The following PCDHGA3 variants were observed in gnomAD, a reference collection of about 807,000 sequenced individuals.
PCDHGA3 encodes the protein protocadherin gamma-A3.
Under a neutral mutation model 58.5 loss-of-function variants are expected in PCDHGA3, and 40 were observed. That is an observed-to-expected ratio of 0.68 (90% CI 0.53 to 0.89). PCDHGA3 has a LOEUF of 0.89. PCDHGA3 is among the 40% of genes least tolerant of loss of function. The probability of loss-of-function intolerance (pLI) is 0.00; values close to 1 mark genes in which losing one functional copy is unlikely to be tolerated. For missense variants in PCDHGA3, 1,223 were observed against 1,195.9 expected (o/e 1.02, Z -0.33); for synonymous variants, 530 against 525.7 (o/e 1.01, Z -0.11).
intron 1 of PCDHGA3, among the ~76,000 whole-genome samples, chr5:141,444,872 G>T (rs2098449555): frequency 6.6e-6 from 1 of 152,120 alleles, no homozygotes. Context: ...ACAGGACAAA[G>T]CTTGTAGGAT....
intron 1 of PCDHGA3, chr5:141,399,313 A>C: frequency 6.2e-7 from 1 of 1,613,952 alleles, no homozygotes; most frequent in Non-Finnish European, 8.5e-7. Flanking sequence ...TTCATCCAAA[A>C]ATTCGTATAA....
chr5:141,419,523 G>T (rs553587727), intron 1 of PCDHGA3: 21 of 1,612,086 alleles, frequency 1.3e-5, no homozygotes, highest in East Asian at 2.2e-5. Flanking sequence ...GTGGGCGACC[G>T]TAACGACAAC....
chr5:141,375,059 G>C, intron 1 of PCDHGA3: 1 of 1,614,038 alleles, frequency 6.2e-7, no homozygotes, highest in Non-Finnish European at 8.5e-7. Flanking sequence ...GGATGGGCCA[G>C]GTCTTCGAGA....
At chr5:141,463,301 A>G (rs1277348576) in intron 1 of PCDHGA3, among the ~76,000 whole-genome samples, 2 of 151,638 alleles carry the variant, frequency 1.3e-5, no homozygotes, top group South Asian at 2.1e-4. Flanking sequence ...AATCTCCCCA[A>G]ACTCTAATAT....
At chr5:141,356,452 T>C in intron 1 of PCDHGA3, 1 of 1,613,258 alleles carries the variant, frequency 6.2e-7, no homozygotes, top group Non-Finnish European at 8.5e-7. Flanking sequence ...AGTCTCAGAA[T>C]ATAACATCAC....
intron 1 of PCDHGA3, chr5:141,370,358 T>A (rs772671669): frequency 4.8e-5 from 73 of 1,513,438 alleles, no homozygotes; most frequent in Non-Finnish European, 6.2e-5. Context: ...AGATCTCCTC[T>A]CCTCGGATTT....
intron 1 of PCDHGA3, chr5:141,384,987 G>C (rs775895766): frequency 6.2e-7 from 1 of 1,614,114 alleles, no homozygotes; most frequent in African/African-American, 1.3e-5. Context: ...TGGTGGTGGC[G>C]GTGGCCACAG....
In PCDHGA3 at chr5:141,456,564, A is replaced by G. The variant is rs1174191537; in HGVS notation, c.2425-38243A>G. ...TTGTAGCCACTCGGGGCTGAAGCCC[A>G]CATTTTCCCTGAGCCTGTCAATAAT... On this transcript the variant is annotated intron_variant, in intron 1 of 3. Coordinates refer to ENST00000253812, the MANE Select transcript of PCDHGA3 (RefSeq NM_018916.4). Among the ~76,000 whole-genome samples the G allele has an allele frequency of 2.6e-5, 4 of 152,338 alleles. No individual in the cohort carries two copies. The South Asian group carries it at 6.2e-4, about 24-fold the overall frequency.
At chr5:141,372,237 G>A in intron 1 of PCDHGA3, 2 of 1,613,294 alleles carry the variant, frequency 1.2e-6, no homozygotes, top group Non-Finnish European at 1.7e-6. Flanking sequence ...CAGCGAGCCC[G>A]GGCTGTTCAG....
At chr5:141,410,177 A>G in intron 1 of PCDHGA3, 1 of 1,613,626 alleles carries the variant, frequency 6.2e-7, no homozygotes, top group Non-Finnish European at 8.5e-7. Context: ...TGCCACCGCC[A>G]CGCTTCATCT....
intron 1 of PCDHGA3, chr5:141,360,653 A>G: frequency 1.9e-6 from 3 of 1,614,020 alleles, no homozygotes; most frequent in East Asian, 2.2e-5. Context: ...TACCACCTTA[A>G]TGACAACGAG....
At position 141,366,991 on chromosome 5, in the gene PCDHGA3, A is replaced by G. The variant is rs1764892123; in HGVS notation, c.2424+20534A>G. The G allele has an allele frequency of 1.3e-5, 6 of 477,098 alleles. No individual in the cohort carries two copies. The South Asian group carries it at 2.2e-4, about 18-fold the overall frequency. 29.6% of individuals were successfully genotyped at this position (477,098 alleles called of 1,614,324 possible). A position where few individuals can be genotyped will look rare whatever the true frequency, so the allele number is the denominator to read the frequency against. Reference sequence around the variant, plus strand: ...AAATACCTTAAAGGAAAGTGGTTAAATATAATCATTTTACCCAAATATTTT... The same window carrying G: ...AAATACCTTAAAGGAAAGTGGTTAAGTATAATCATTTTACCCAAATATTTT... On this transcript the variant is annotated intron_variant, in intron 1 of 3. Coordinates refer to ENST00000253812, the MANE Select transcript of PCDHGA3 (RefSeq NM_018916.4).
chr5:141,486,645 C>T lies in PCDHGA3; in HGVS notation c.2425-8162C>T, dbSNP rs369948556. ...GACTCTGGCTTGAATGCGCTTATCT[C>T]CTACTCACTCCTGGAGCCCAGGAAT... On this transcript the variant is annotated intron_variant, in intron 1 of 3. Coordinates refer to ENST00000253812, the MANE Select transcript of PCDHGA3 (RefSeq NM_018916.4). This position sits in a 1 kb window ranked among gnomAD's most constrained non-coding sequence, Gnocchi z 5.0. 1.9e-6 allele frequency: 3 copies of T among 1,613,752 alleles called. No individual in the cohort carries two copies. The highest frequency in any genetic ancestry group is 2.2e-5 in the East Asian group (1 of 44,896).
chr5:141,380,982 T>A (rs1776910305), intron 1 of PCDHGA3, among the ~76,000 whole-genome samples: 3 of 152,248 alleles, frequency 2.0e-5, no homozygotes, highest in Non-Finnish European at 2.9e-5. Flanking sequence ...AAATAGAATT[T>A]AACTCCAGTT....
intron 1 of PCDHGA3, among the ~76,000 whole-genome samples, chr5:141,443,486 A>AAAAC (rs1345310906): frequency 6.6e-6 from 1 of 152,166 alleles, no homozygotes; most frequent in Non-Finnish European, 1.5e-5. Flanking sequence ...ACCCTGTCCC[A>AAAAC]AAACAAACAA....
chr5:141,390,111 G>C (rs2092051894), intron 1 of PCDHGA3: 5 of 1,614,054 alleles, frequency 3.1e-6, no homozygotes, highest in Non-Finnish European at 4.2e-6. Flanking sequence ...CAACTACAGC[G>C]AGGGGACTTT....
chr5:141,463,373 GTCTGAAAGTT>G (rs1463437299), intron 1 of PCDHGA3, among the ~76,000 whole-genome samples: 1 of 147,058 alleles, frequency 6.8e-6, no homozygotes, highest in Non-Finnish European at 1.5e-5. Context: ...CTGCCCCACA[GTCTGAAAGTT>G]GTCTCCAGGC....
chr5:141,383,346 G>A, intron 1 of PCDHGA3: 3 of 1,614,018 alleles, frequency 1.9e-6, no homozygotes, highest in Non-Finnish European at 2.5e-6. Context: ...CAGCTCCTGG[G>A]GTTCGGTTTC....
rs369206085 is a variant in PCDHGA3 at position 141,490,515 on chromosome 5, G to A, written c.2425-4292G>A. On this transcript the variant is annotated intron_variant, in intron 1 of 3. Transcript: ENST00000253812. The surrounding 1 kb of genome is among the most constrained non-coding windows in gnomAD (Gnocchi z 5.4). ...CATCCCACTATATCATCGAGCTGCT[G>A]GCCAGCGATGCTGGTTCACCTTCCC... The A allele has an allele frequency of 2.3e-5, 37 of 1,613,840 alleles. No individual in the cohort carries two copies. In the Middle Eastern group the frequency reaches 1.2e-3, roughly 50 times the overall value.
Sources: allele counts gnomAD v4.1 joint callset (sites outside exome capture counted in the v4.1 genomes callset), GRCh38; gene constraint gnomAD v4.1.1; non-coding constraint Gnocchi (gnomAD v3.1); transcripts MANE v1.5; gene names NCBI Gene and HGNC (gene_info 2026-07-23, HGNC 2026-07-21).